The following MED13L variants were observed in gnomAD, a reference collection of about 807,000 sequenced individuals.
The protein encoded by MED13L is mediator complex subunit 13L.
Under a neutral mutation model 220.9 loss-of-function variants are expected in MED13L, and 7 were observed. The ratio of observed to expected loss-of-function variants is 0.03; its 90% CI spans 0.02 to 0.06. The LOEUF is 0.06. Among genes scored for constraint, MED13L ranks in the 10% least tolerant of loss-of-function variants. MED13L has a pLI of 1.00. For missense variants in MED13L, 1,965 were observed against 2,760.5 expected (o/e 0.71, Z 6.46); for synonymous variants, 1,011 against 1,015.2 (o/e 1.00, Z 0.08).
intron 1 of MED13L, among the ~76,000 whole-genome samples, chr12:116,274,991 T>TAA (rs11357820): frequency 7.4e-6 from 1 of 135,076 alleles, no homozygotes; most frequent in Non-Finnish European, 1.6e-5. Flanking sequence ...ACTTAAGCTT[T>TAA]AAAAAAAAAA....
At chr12:116,013,711 G>A (rs960486678) in intron 8 of MED13L, among the ~76,000 whole-genome samples, 2 of 152,168 alleles carry the variant, frequency 1.3e-5, no homozygotes, top group African/African-American at 2.4e-5. Context: ...AAAGCAGATC[G>A]CTTTATTATA....
intron 4 of MED13L, among the ~76,000 whole-genome samples, chr12:116,052,076 C>T (rs1332841205): frequency 9.8e-6 from 1 of 101,766 alleles, no homozygotes; most frequent in African/African-American, 2.7e-5. Context: ...TACCTACACA[C>T]ATACACACAC....
At chr12:116,071,673 T>C (rs1021475515) in intron 4 of MED13L, among the ~76,000 whole-genome samples, 1 of 152,224 alleles carries the variant, frequency 6.6e-6, no homozygotes, top group Non-Finnish European at 1.5e-5. Flanking sequence ...ATGATGTGAT[T>C]AGTGATTAAA....
intron 2 of MED13L, among the ~76,000 whole-genome samples, chr12:116,195,554 C>T (rs1323952317): frequency 7.9e-5 from 12 of 152,020 alleles, no homozygotes; most frequent in African/African-American, 1.7e-4. Flanking sequence ...AGGTTCAAAG[C>T]GATTCTCCTG....
chr12:116,158,087 G>A lies in MED13L; in HGVS notation c.311-46575C>T, dbSNP rs151299887. 3.6e-3 allele frequency among the ~76,000 whole-genome samples: 544 copies of A among 151,740 alleles called. 2 individuals are homozygous for A. The highest frequency in any genetic ancestry group is 6.4e-3 in the Non-Finnish European group (434 of 67,974). On this transcript the variant is annotated intron_variant, in intron 2 of 30. Transcript: ENST00000281928. ...GTAGATGAGGAGCTTAGGGATGCAA[G>A]CTGCAAGGATCCAGAACCCAAACAG...
chr12:115,999,269 G>A (rs1878596902), intron 14 of MED13L, among the ~76,000 whole-genome samples: 1 of 151,932 alleles, frequency 6.6e-6, no homozygotes, highest in African/African-American at 2.4e-5. Flanking sequence ...ACAAAAATTA[G>A]CCAGGCATGC....
At chr12:116,267,002 G>A (rs1872883084) in intron 1 of MED13L, among the ~76,000 whole-genome samples, 1 of 152,192 alleles carries the variant, frequency 6.6e-6, no homozygotes, top group Non-Finnish European at 1.5e-5. Flanking sequence ...ACATGATTTA[G>A]TCTTTAAGAA....
intron 3 of MED13L, among the ~76,000 whole-genome samples, chr12:116,102,710 CTTTTTTT>C (rs869201518): frequency 3.2e-3 from 218 of 68,644 alleles, no homozygotes; most frequent in African/African-American, 9.1e-3. Flanking sequence ...TTTCTTTTTT[CTTTTTTT>C]TTTTTTTTTT....
At chr12:116,054,941 C>A (rs1868823063) in intron 4 of MED13L, among the ~76,000 whole-genome samples, 1 of 152,000 alleles carries the variant, frequency 6.6e-6, no homozygotes, top group Non-Finnish European at 1.5e-5. Flanking sequence ...CAATGTCAAC[C>A]CACAGAATAC....
intron 3 of MED13L, among the ~76,000 whole-genome samples, chr12:116,100,697 G>A (rs1321818836): frequency 6.6e-6 from 1 of 151,894 alleles, no homozygotes; most frequent in Admixed American, 6.6e-5. Context: ...AACAGCTTGA[G>A]GCCAGGAGTT....
chr12:116,099,307 C>A (rs985056896), intron 3 of MED13L, among the ~76,000 whole-genome samples: 2 of 152,170 alleles, frequency 1.3e-5, no homozygotes, highest in African/African-American at 4.8e-5. Context: ...AAATTACAGT[C>A]TATTTAACGT....
chr12:116,058,490 A>C (rs1055768756), intron 4 of MED13L, among the ~76,000 whole-genome samples: 1 of 152,224 alleles, frequency 6.6e-6, no homozygotes, highest in African/African-American at 2.4e-5. Flanking sequence ...AATAGCTTAC[A>C]CTATAGCATA....
At chr12:115,997,864 T>A (rs1878504840) in intron 14 of MED13L, among the ~76,000 whole-genome samples, 1 of 152,218 alleles carries the variant, frequency 6.6e-6, no homozygotes, top group African/African-American at 2.4e-5. Context: ...AAACAGAAAG[T>A]GGAAGCAATT....
At chr12:116,186,184 C>T (rs1361255130) in intron 2 of MED13L, among the ~76,000 whole-genome samples, 1 of 152,184 alleles carries the variant, frequency 6.6e-6, no homozygotes, top group Non-Finnish European at 1.5e-5. Context: ...CATAGCATAG[C>T]TATAATTATT....
intron 1 of MED13L, among the ~76,000 whole-genome samples, chr12:116,261,368 G>A (rs1275582526): frequency 6.6e-6 from 1 of 151,802 alleles, no homozygotes; most frequent in Non-Finnish European, 1.5e-5. Flanking sequence ...ATGGTCATGG[G>A]TGCCTGTAGT....
At chr12:116,032,275 G>C (rs757003150) in intron 4 of MED13L, among the ~76,000 whole-genome samples, 1 of 151,900 alleles carries the variant, frequency 6.6e-6, no homozygotes, top group Non-Finnish European at 1.5e-5. Context: ...AATTCATATA[G>C]AACACAGAGT....
intron 2 of MED13L, among the ~76,000 whole-genome samples, chr12:116,127,913 C>T (rs1190100863): frequency 6.6e-6 from 1 of 152,206 alleles, no homozygotes; most frequent in Non-Finnish European, 1.5e-5. Flanking sequence ...GATCAAACCT[C>T]TGTCTACCTC....
chr12:116,122,011 T>C (rs868331499), intron 2 of MED13L, among the ~76,000 whole-genome samples: 2 of 152,166 alleles, frequency 1.3e-5, no homozygotes, highest in Non-Finnish European at 2.9e-5. Flanking sequence ...CGGCTAAAGA[T>C]AGCATAGCTC....
chr12:116,120,605 T>C (rs1457101202), intron 2 of MED13L, among the ~76,000 whole-genome samples: 1 of 151,676 alleles, frequency 6.6e-6, no homozygotes, highest in African/African-American at 2.4e-5. Context: ...GCATTCTCCC[T>C]TTCAAGGTAG....
Sources: allele counts gnomAD v4.1 joint callset (sites outside exome capture counted in the v4.1 genomes callset), GRCh38; gene constraint gnomAD v4.1.1; transcripts MANE v1.5; gene names NCBI Gene and HGNC (gene_info 2026-07-23, HGNC 2026-07-21).